The following CIP2A variants were observed in gnomAD, a reference collection of about 807,000 sequenced individuals.
The protein encoded by CIP2A is cellular inhibitor of PP2A, also known as protein CIP2A.
CIP2A carries 103 observed loss-of-function variants against 110.9 expected under a neutral mutation model. That is an observed-to-expected ratio of 0.93 (90% CI 0.79 to 1.09). The LOEUF is 1.09. Ranked by LOEUF, CIP2A falls within the 50% of genes least tolerant of loss-of-function variation. CIP2A has a pLI of 0.00. For synonymous variants in CIP2A, 381 were observed against 361.6 expected, an observed-to-expected ratio of 1.05 and a Z score of -0.61; for missense variants, 1,088 against 1,038.4, an observed-to-expected ratio of 1.05 and a Z score of -0.66.
At chr3:108,572,158 T>A (rs904250900) in intron 8 of CIP2A, among the ~76,000 whole-genome samples, 7 of 152,102 alleles carry the variant, frequency 4.6e-5, no homozygotes, top group African/African-American at 1.7e-4. Flanking sequence ...CATTCTTTTA[T>A]TAGTGGTCTT....
chr3:108,575,817 T>G lies in CIP2A; in HGVS notation c.894+454A>C, dbSNP rs1333543500. ...ATATATACGTGTATATATACTCATA[T>G]ACATGTGTATATACGTGTATATATA... On this transcript the variant is annotated intron_variant, in intron 8 of 20. Transcript: ENST00000295746. Among the ~76,000 whole-genome samples, 3 of 94,620 alleles carry G rather than the reference T, an allele frequency of 3.2e-5. 1 individual carries two copies. Among genetic ancestry groups the G allele is most frequent in the African/African-American group, 6.7e-5 (2 of 29,760 alleles). The allele number at this position is 94,620 out of a possible 152,430, so 62.1% of individuals were successfully genotyped here. A position where few individuals can be genotyped will look rare whatever the true frequency, so the allele number is the denominator to read the frequency against.
Position 108,566,583 on chromosome 3 carries a change from G to C in CIP2A, c.1329C>G (p.Val443=). The C allele has an allele frequency of 6.2e-7, 1 of 1,605,092 alleles. No individual in the cohort carries two copies. Among genetic ancestry groups the C allele is most frequent in the Non-Finnish European group, 8.5e-7 (1 of 1,175,424 alleles). The part of the protein sequence containing the change: ...KMHIAKILTT[V]KCTTLIEQQF... ...GTTGTTCTATAAGAGTGGTACACTT[G>C]ACAGTTGTCAAGATTTTTGCAATAT... Residue 443 remains valine (V), a synonymous_variant, in exon 11 of 21, where the codon GTC becomes GTG. Transcript: ENST00000295746.
Position 108,552,523 on chromosome 3 carries a change from A to C in CIP2A, c.2408-150T>G. On this transcript the variant is annotated intron_variant, in intron 19 of 20. Coordinates refer to ENST00000295746, the MANE Select transcript of CIP2A (RefSeq NM_020890.3). The stretch of plus-strand genomic sequence containing the variant: ...TGACAGTATTCTATAGAAAATACCA[A>C]ATCTCCATGTCTTTCTTCCATCCTC... 8.9e-6 allele frequency: 4 copies of C among 447,832 alleles called. No homozygotes were observed. In the South Asian group the frequency reaches 2.0e-4, roughly 22 times the overall value. 27.7% of individuals were successfully genotyped at this position (447,832 alleles called of 1,614,324 possible). A position where few individuals can be genotyped will look rare whatever the true frequency, so the allele number is the denominator to read the frequency against.
intron 8 of CIP2A, among the ~76,000 whole-genome samples, chr3:108,573,835 A>T (rs1007771572): frequency 1.3e-5 from 2 of 152,162 alleles, no homozygotes; most frequent in African/African-American, 2.4e-5. Context: ...AAGTCATTCT[A>T]ATTTTTTTCT....
At chr3:108,587,521 C>T (rs1939088565) in intron 1 of CIP2A, among the ~76,000 whole-genome samples, 1 of 152,186 alleles carries the variant, frequency 6.6e-6, no homozygotes, top group African/African-American at 2.4e-5. Context: ...CAGGTGGTAG[C>T]TACTCTACCT....
chr3:108,560,069 T>C (rs772630260), intron 14 of CIP2A, 41 bp from the exon 15 acceptor site: 6 of 1,168,102 alleles, frequency 5.1e-6, no homozygotes, highest in Admixed American at 4.0e-5. Context: ...TTTAATAAAA[T>C]ATTTTGACAC....
At position 108,582,996 on chromosome 3, in the gene CIP2A, G is replaced by T; in HGVS notation, c.338C>A (p.Thr113Asn). The T allele has an allele frequency of 1.2e-6, 2 of 1,609,412 alleles. No homozygotes were observed. The highest frequency in any genetic ancestry group is 2.2e-5 in the South Asian group (2 of 90,314). ...LAGVVCRSSH[T>N]DSVFLQCIQL... The stretch of plus-strand genomic sequence containing the variant: ...GTATACCTGCAAAAACACCGAATCA[G>T]TGTGGCTGCTCCGACAAACCACTCC... Residue 113 changes from threonine to asparagine, a missense_variant, in exon 3 of 21, where the codon ACT becomes AAT. Physicochemically the swap from Thr to Asn is moderately conservative, Grantham distance 65. Coordinates refer to ENST00000295746, the MANE Select transcript of CIP2A (RefSeq NM_020890.3).
intron 4 of CIP2A, among the ~76,000 whole-genome samples, chr3:108,581,876 A>C (rs1938891864): frequency 6.6e-6 from 1 of 152,194 alleles, no homozygotes; most frequent in South Asian, 2.1e-4. Context: ...ATGAAAATTA[A>C]AGTTGCTTTA....
chr3:108,582,119 C>A lies in CIP2A; in HGVS notation c.441G>T (p.Leu147=). ...GATTGCATACTCACATGTGATCTAT[C>A]AGGAACGTAATTAATTCATCTATAT... ...GANIDELITF[L]IDHIQSSEDE... Residue 147 remains leucine (L), a synonymous_variant, in exon 4 of 21, where the codon CTG becomes CTT. Transcript: ENST00000295746. 6.9e-7 allele frequency: 1 copy of A among 1,439,052 alleles called. No homozygotes were observed. Among genetic ancestry groups the A allele is most frequent in the South Asian group, 1.3e-5 (1 of 77,942 alleles). The allele number at this position is 1,439,052 out of a possible 1,614,324, so 89.1% of individuals were successfully genotyped here.
rs2083882800 is a variant in CIP2A at position 108,550,455 on chromosome 3, TA to T, written c.*693del. On this transcript the variant is annotated 3_prime_UTR_variant, in exon 21 of 21. Coordinates refer to ENST00000295746, the MANE Select transcript of CIP2A (RefSeq NM_020890.3). ...AAAAAAGAGAAAAAAACACTAAATA[TA>T]CCTTACAAATAATTCTACAAGTTCT... 1 of 151,454 alleles carries T rather than the reference TA, an allele frequency of 6.6e-6. No individual in the cohort carries two copies. The highest frequency in any genetic ancestry group is 2.4e-5 in the African/African-American group (1 of 41,434). 9.4% of individuals were successfully genotyped at this position (151,454 alleles called of 1,614,324 possible).
intron 8 of CIP2A, among the ~76,000 whole-genome samples, chr3:108,575,890 ATGAG>A (rs796153516): frequency 6.5e-5 from 2 of 30,552 alleles, no homozygotes; most frequent in African/African-American, 1.6e-4. Context: ...ATACATGTGT[ATGAG>A]TATATATACA....
At position 108,553,121 on chromosome 3, in the gene CIP2A, G is replaced by GTT. The variant is rs768832281; in HGVS notation, c.2407+525_2407+526dup. On this transcript the variant is annotated intron_variant, in intron 19 of 20. Transcript: ENST00000295746. ...AATGGTCAATCATCTCTTTCCTTTT[G>GTT]TTTTTTTTTTTTTTTTTTTTTTTTT... 3.4e-3 allele frequency among the ~76,000 whole-genome samples: 226 copies of GTT among 67,166 alleles called. 12 individuals carry two copies. The highest frequency in any genetic ancestry group is 0.012 in the African/African-American group (209 of 17,704). 44.1% of individuals were successfully genotyped at this position (67,166 alleles called of 152,430 possible). A position where few individuals can be genotyped will look rare whatever the true frequency, so the allele number is the denominator to read the frequency against.
At position 108,579,300 on chromosome 3, in the gene CIP2A, T is replaced by C. The variant is rs1576316649; in HGVS notation, c.799A>G (p.Ile267Val). The C allele has an allele frequency of 1.2e-6, 2 of 1,610,366 alleles. No individual in the cohort carries two copies. The highest frequency in any genetic ancestry group is 4.5e-5 in the East Asian group (2 of 44,706). The change falls in exon 7 of 21, where the codon ATT (isoleucine) becomes GTT (valine). Residue 267 changes from isoleucine to valine, a missense_variant. Coordinates refer to ENST00000295746, the MANE Select transcript of CIP2A (RefSeq NM_020890.3). ...LLMDLLKNPK[I>V]ADYLTRYEHF... ...TCATACCTGGTGAGATAATCAGCAATTTTAGGATTCTTAAGGAGATCCATC... is the reference window on the plus strand; with the variant it reads ...TCATACCTGGTGAGATAATCAGCAACTTTAGGATTCTTAAGGAGATCCATC...
chr3:108,578,895 G>A (rs949539865), intron 7 of CIP2A, among the ~76,000 whole-genome samples: 1 of 151,978 alleles, frequency 6.6e-6, no homozygotes, highest in African/African-American at 2.4e-5. Context: ...TTTCAACACT[G>A]TTTCATTTAT....
chr3:108,567,551 A>C (rs917675226), intron 10 of CIP2A, among the ~76,000 whole-genome samples: 6 of 147,938 alleles, frequency 4.1e-5, no homozygotes, highest in Non-Finnish European at 8.8e-5. Context: ...TGAAAAAGTA[A>C]ACACAAGGAA....
intron 8 of CIP2A, among the ~76,000 whole-genome samples, chr3:108,573,568 T>C (rs1938469354): frequency 6.6e-6 from 1 of 152,044 alleles, no homozygotes; most frequent in African/African-American, 2.4e-5. Flanking sequence ...TACCTTTAGA[T>C]TCGAATACTA....
chr3:108,551,101 ATACATC>A lies in CIP2A; in HGVS notation c.*42_*47del. ...TACCCACCCCCCCTCCAATAGATAAATACATCAAAAATATCATGAGATTACAAATTC... is the reference window on the plus strand; with the variant it reads ...TACCCACCCCCCCTCCAATAGATAAAAAAAATATCATGAGATTACAAATTC... On this transcript the variant is annotated 3_prime_UTR_variant, in exon 21 of 21. Transcript: ENST00000295746. 1 of 1,055,978 alleles carries A rather than the reference ATACATC, an allele frequency of 9.5e-7. No homozygotes were observed. The highest frequency in any genetic ancestry group is 1.3e-6 in the Non-Finnish European group (1 of 748,136). 65.4% of individuals were successfully genotyped at this position (1,055,978 alleles called of 1,614,324 possible).
rs564915464 is a variant in CIP2A, at chr3:108,581,431, G to T, written c.533C>A (p.Thr178Lys). 6.2e-7 allele frequency: 1 copy of T among 1,609,812 alleles called. No homozygotes were observed. Among genetic ancestry groups the T allele is most frequent in the African/African-American group, 1.3e-5 (1 of 74,850 alleles). Residue 178 changes from threonine to lysine, a missense_variant, in exon 5 of 21, where the codon ACG becomes AAG. By Grantham distance (78) the Thr-to-Lys change is moderately conservative. Coordinates refer to ENST00000295746, the MANE Select transcript of CIP2A (RefSeq NM_020890.3). The stretch of plus-strand genomic sequence containing the variant: ...ACTTCTTACCAATGTCTTTATGTGC[G>T]TTTGAACAGAAAGATTGTGCCGACA... ...NLCRHNLSVQ[T>K]HIKTLSNVKS...
At chr3:108,564,456 C>G (rs756522102) in intron 12 of CIP2A, among the ~76,000 whole-genome samples, 3 of 151,940 alleles carry the variant, frequency 2.0e-5, no homozygotes, top group Non-Finnish European at 4.4e-5. Flanking sequence ...GATATTATTA[C>G]ACAAAGTTTT....
Sources: allele counts gnomAD v4.1 joint callset (sites outside exome capture counted in the v4.1 genomes callset), GRCh38; gene constraint gnomAD v4.1.1; transcripts MANE v1.5; gene names NCBI Gene and HGNC (gene_info 2026-07-23, HGNC 2026-07-21).